The following REDIC1 variants were observed in gnomAD, a reference collection of about 807,000 sequenced individuals.
REDIC1 encodes the protein HEI10 Interacting Protein 1.
chr12:39,647,125 TCTGCTTGTTACTGATGAG>T, the REDIC1 span, among the ~76,000 whole-genome samples: 18 of 152,154 alleles, frequency 1.2e-4, no homozygotes, highest in African/African-American at 4.1e-4. Flanking sequence ...AACATTTGAT[TCTGCTTGTTACTGATGAG>T]CTGCCAAGGA....
chr12:39,873,967 G>C, the REDIC1 span, among the ~76,000 whole-genome samples: 13 of 152,158 alleles, frequency 8.5e-5, no homozygotes, highest in African/African-American at 3.1e-4. Context: ...TATAAGCTAT[G>C]TGAATTACTA....
chr12:39,726,935 T>C, the REDIC1 span, among the ~76,000 whole-genome samples: 2 of 152,254 alleles, frequency 1.3e-5, no homozygotes, highest in African/African-American at 4.8e-5. Flanking sequence ...CTTTTTTTCC[T>C]GTGTTTGTTG....
chr12:39,693,074 G>A, the REDIC1 span, among the ~76,000 whole-genome samples: 3 of 152,022 alleles, frequency 2.0e-5, no homozygotes, highest in Non-Finnish European at 4.4e-5. Flanking sequence ...ATTTGCTCAT[G>A]TTCCTTTTCT....
At chr12:39,787,566 T>C in the REDIC1 span, among the ~76,000 whole-genome samples, 2 of 152,198 alleles carry the variant, frequency 1.3e-5, no homozygotes, top group African/African-American at 4.8e-5. Context: ...CATTTTGATA[T>C]ACTTTTTTGG....
chr12:39,647,702 T>G, the REDIC1 span: 1 of 983,758 alleles, frequency 1.0e-6, no homozygotes, highest in Non-Finnish European at 1.4e-6. Flanking sequence ...CCCTGCCCTT[T>G]TCACTTATTT....
the REDIC1 span, among the ~76,000 whole-genome samples, chr12:39,641,865 A>AT: frequency 9.2e-5 from 14 of 151,836 alleles, no homozygotes; most frequent in South Asian, 4.2e-4. Context: ...CCCCTTTTAT[A>AT]TTGCATCCCA....
the REDIC1 span, among the ~76,000 whole-genome samples, chr12:39,633,083 T>A: frequency 6.6e-6 from 1 of 151,938 alleles, no homozygotes; most frequent in Admixed American, 6.5e-5. Context: ...TCTTTTAAAT[T>A]TTATTATTAT....
At chr12:39,809,858 T>C in the REDIC1 span, among the ~76,000 whole-genome samples, 1 of 152,228 alleles carries the variant, frequency 6.6e-6, no homozygotes, top group South Asian at 2.1e-4. Context: ...TATGGCTGCA[T>C]AGTATTCCAT....
At chr12:39,885,414 G>C in the REDIC1 span, among the ~76,000 whole-genome samples, 2 of 152,126 alleles carry the variant, frequency 1.3e-5, no homozygotes, top group Admixed American at 6.6e-5. Flanking sequence ...AAGAAGTACA[G>C]AGAGAATCTC....
the REDIC1 span, among the ~76,000 whole-genome samples, chr12:39,859,320 T>TG: frequency 8.0e-6 from 1 of 125,744 alleles, no homozygotes; most frequent in Non-Finnish European, 1.6e-5. Flanking sequence ...CTGGCAGTTT[T>TG]TTTTTTTTTT....
the REDIC1 span, among the ~76,000 whole-genome samples, chr12:39,729,176 T>C: frequency 6.6e-6 from 1 of 152,176 alleles, no homozygotes; most frequent in Non-Finnish European, 1.5e-5. Context: ...TGCTCTGATC[T>C]TAGTTATTTC....
the REDIC1 span, chr12:39,864,634 C>A: frequency 7.8e-7 from 1 of 1,279,618 alleles, no homozygotes; most frequent in Admixed American, 2.3e-5. Flanking sequence ...TTCCCATTTT[C>A]TTCCCTTCTT....
chr12:39,713,988 CATGT>C, the REDIC1 span, among the ~76,000 whole-genome samples: 1 of 120,574 alleles, frequency 8.3e-6, no homozygotes, highest in African/African-American at 2.9e-5. Flanking sequence ...CGTATATATA[CATGT>C]ATGTACACCT....
the REDIC1 span, among the ~76,000 whole-genome samples, chr12:39,896,033 T>TACATACATGC: frequency 8.3e-5 from 3 of 36,116 alleles, no homozygotes; most frequent in Non-Finnish European, 1.2e-4. Flanking sequence ...CATACATGCA[T>TACATACATGC]ATGTTTATAT....
At chr12:39,838,086 C>T in the REDIC1 span, among the ~76,000 whole-genome samples, 4 of 148,018 alleles carry the variant, frequency 2.7e-5, no homozygotes, top group Non-Finnish European at 5.9e-5. Context: ...GACTTGGAAC[C>T]AACCCAAATG....
the REDIC1 span, among the ~76,000 whole-genome samples, chr12:39,782,890 C>T: frequency 0.14 from 20,627 of 152,078 alleles, 1,680 homozygotes; most frequent in East Asian, 0.39. Context: ...ATTTTTTATA[C>T]TTTAAGTTCT....
chr12:39,828,294 G>T, the REDIC1 span, among the ~76,000 whole-genome samples: 1 of 151,928 alleles, frequency 6.6e-6, no homozygotes, highest in Non-Finnish European at 1.5e-5. Context: ...TGAGACTATT[G>T]TAAGGATATG....
chr12:39,631,969 TTTTG>T, the REDIC1 span, among the ~76,000 whole-genome samples: 1 of 152,068 alleles, frequency 6.6e-6, no homozygotes, highest in African/African-American at 2.4e-5. Context: ...TGCTTATACT[TTTTG>T]TTTAACCTTC....
At chr12:39,778,151 G>A in the REDIC1 span, among the ~76,000 whole-genome samples, 1 of 152,136 alleles carries the variant, frequency 6.6e-6, no homozygotes, top group Admixed American at 6.5e-5. Context: ...CACACCCTGC[G>A]AGGGGGACAA....
Sources: allele counts gnomAD v4.1 joint callset (sites outside exome capture counted in the v4.1 genomes callset), GRCh38; gene constraint gnomAD v4.1.1; transcripts MANE v1.5; gene names NCBI Gene and HGNC (gene_info 2026-07-23, HGNC 2026-07-21).